DMD: variants seen among roughly 807,000 people sequenced by gnomAD.
The protein encoded by DMD is mutant dystrophin.
DMD carries 63 observed loss-of-function variants against 330.1 expected under a neutral mutation model. The observed-to-expected ratio is 0.19, with a 90% CI of 0.16 to 0.24. The LOEUF is 0.24. Ranked by LOEUF, DMD falls within the 10% of genes least tolerant of loss-of-function variation. DMD has a pLI of 1.00. For missense variants in DMD, 3,344 were observed against 2,684.1 expected, an observed-to-expected ratio of 1.25 and a Z score of -5.43; for synonymous variants, 1,223 against 959.8, an observed-to-expected ratio of 1.27 and a Z score of -5.07.
intron 42 of DMD, among the ~76,000 whole-genome samples, chrX:32,297,236 T>A (rs2097500730): frequency 5.6e-5 from 1 of 17,703 alleles, no homozygotes; most frequent in African/African-American, 1.8e-4. Context: ...ACAGTCATAT[T>A]TTATTTATTT....
intron 55 of DMD, among the ~76,000 whole-genome samples, chrX:31,551,512 A>T (rs193101962): frequency 5.4e-5 from 6 of 112,028 alleles, no homozygotes; most frequent in African/African-American, 1.9e-4. Context: ...AGGATCATGG[A>T]CTCAAAATGA....
rs753531481 is a variant in DMD, at chrX:32,956,570, G to T, written c.93+63569C>A. ...TGGTTTTGTATCCTGAGACTTTGCT[G>T]AAGTTGTTTATCAGCACAAGAAGCT... On this transcript the variant is annotated intron_variant, in intron 2 of 78. Coordinates refer to ENST00000357033, the MANE Select transcript of DMD (RefSeq NM_004006.3). Among the ~76,000 whole-genome samples, 19 of 111,848 alleles carry T rather than the reference G, an allele frequency of 1.7e-4. 1 individual carries two copies. In the South Asian group the frequency reaches 6.7e-3, roughly 40 times the overall value.
At chrX:32,322,516 T>C (rs1380652203) in intron 41 of DMD, among the ~76,000 whole-genome samples, 2 of 110,891 alleles carry the variant, frequency 1.8e-5, no homozygotes, top group Non-Finnish European at 3.8e-5. Context: ...TGAGCTATGA[T>C]TGCATCGCGG....
intron 26 of DMD, 67 bp downstream of exon 26, chrX:32,454,592 CATT>C (rs1255049112): frequency 4.2e-5 from 38 of 896,950 alleles, no homozygotes; most frequent in Non-Finnish European, 4.7e-5. Context: ...CAACTTCAAG[CATT>C]GTTGCATTTC....
At chrX:33,177,593 C>T (rs2049742272) in intron 1 of DMD, among the ~76,000 whole-genome samples, 1 of 110,730 alleles carries the variant, frequency 9.0e-6, no homozygotes, top group Admixed American at 9.6e-5. Flanking sequence ...ACCATGTTGG[C>T]CAGGTTGGTC....
chrX:32,772,735 T>C (rs1259099672), intron 7 of DMD, among the ~76,000 whole-genome samples: 2 of 111,567 alleles, frequency 1.8e-5, no homozygotes, highest in South Asian at 3.7e-4. Flanking sequence ...AGAGTTAATA[T>C]AGGATGTAAT....
intron 64 of DMD, among the ~76,000 whole-genome samples, chrX:31,214,038 G>A (rs917002902): frequency 1.5e-4 from 2 of 13,449 alleles, no homozygotes; most frequent in African/African-American, 4.0e-4. Context: ...CAAACTGATG[G>A]CAAGGCTGCT....
intron 76 of DMD, among the ~76,000 whole-genome samples, chrX:31,140,868 G>C (rs2035957684): frequency 8.9e-6 from 1 of 112,027 alleles, no homozygotes; most frequent in South Asian, 3.8e-4. Flanking sequence ...CTAGGGAGTT[G>C]TAGGCAGAAG....
intron 55 of DMD, among the ~76,000 whole-genome samples, chrX:31,558,058 C>T (rs1471143733): frequency 1.8e-5 from 2 of 111,616 alleles, no homozygotes; most frequent in Admixed American, 9.5e-5. Context: ...TGAATAATTT[C>T]GCTTATAACA....
intron 1 of DMD, among the ~76,000 whole-genome samples, chrX:33,065,453 G>T (rs934743960): frequency 8.9e-6 from 1 of 112,357 alleles, no homozygotes; most frequent in Non-Finnish European, 1.9e-5. Context: ...TCACTTTACA[G>T]AAATTTACAT....
rs1056814849 is a variant in DMD, at chrX:32,706,305, G to A, written c.650-7012C>T. Reference sequence around the variant, plus strand: ...GCGAAATGACGAGTTAATGGGTGCAGCACACCAACATGGCACATGTATACA... The same window carrying A: ...GCGAAATGACGAGTTAATGGGTGCAACACACCAACATGGCACATGTATACA... On this transcript the variant is annotated intron_variant, in intron 7 of 78. Coordinates refer to ENST00000357033, the MANE Select transcript of DMD (RefSeq NM_004006.3). Among the ~76,000 whole-genome samples the A allele has an allele frequency of 1.5e-3, 162 of 106,854 alleles. 1 individual carries two copies. Among genetic ancestry groups the A allele is most frequent in the African/African-American group, 5.4e-3 (157 of 29,344 alleles). 92.8% of individuals were successfully genotyped at this position (106,854 alleles called of 115,157 possible).
At chrX:32,980,102 A>T (rs2092663412) in intron 2 of DMD, among the ~76,000 whole-genome samples, 2 of 110,723 alleles carry the variant, frequency 1.8e-5, no homozygotes, top group African/African-American at 6.6e-5. Flanking sequence ...GAGGTGGTTC[A>T]CGCCTGTAAT....
intron 63 of DMD, among the ~76,000 whole-genome samples, chrX:31,260,254 A>C (rs898619381): frequency 8.1e-5 from 9 of 111,498 alleles, no homozygotes; most frequent in African/African-American, 2.9e-4. Flanking sequence ...AACAAAACCC[A>C]AAACAAGCTG....
chrX:32,942,196 A>C (rs1264826424), intron 2 of DMD, among the ~76,000 whole-genome samples: 1 of 112,025 alleles, frequency 8.9e-6, no homozygotes, highest in Non-Finnish European at 1.9e-5. Flanking sequence ...CAATAGACTT[A>C]GGAATTTCCT....
rs1008391721 is a variant in DMD at position 32,903,274 on chromosome X, A to G, written c.94-53454T>C. Among the ~76,000 whole-genome samples the G allele has an allele frequency of 1.9e-5, 2 of 107,302 alleles. 1 individual carries two copies. Among genetic ancestry groups the G allele is most frequent in the African/African-American group, 7.3e-5 (2 of 27,513 alleles). The allele number at this position is 107,302 out of a possible 115,157, so 93.2% of individuals were successfully genotyped here. A position where few individuals can be genotyped will look rare whatever the true frequency, so the allele number is the denominator to read the frequency against. ...AGACTGGTATGTGTAAGGGTATGGT[A>G]TAAAAATCATAACTCTTCAGAAGAA... On this transcript the variant is annotated intron_variant, in intron 2 of 78. Transcript: ENST00000357033.
chrX:33,018,793 T>G (rs147712180), intron 2 of DMD, among the ~76,000 whole-genome samples: 1,353 of 111,816 alleles, frequency 0.012, 23 homozygotes, highest in African/African-American at 0.041. Context: ...AACCATCTTA[T>G]AAATATTCGG....
intron 60 of DMD, among the ~76,000 whole-genome samples, chrX:31,400,703 T>C (rs1427171509): frequency 9.0e-6 from 1 of 111,437 alleles, no homozygotes; most frequent in Non-Finnish European, 1.9e-5. Context: ...TTATTTAGAG[T>C]GTATACCCTG....
chrX:32,545,028 A>G (rs1244791868), intron 17 of DMD, 131 bp downstream of exon 17: 1 of 593,107 alleles, frequency 1.7e-6, no homozygotes, highest in Non-Finnish European at 2.7e-6. Context: ...AATTTTTCTC[A>G]CTACATTAAC....
chrX:32,054,096 A>T lies in DMD; in HGVS notation c.6439-85582T>A, dbSNP rs964945420. Among the ~76,000 whole-genome samples the T allele has an allele frequency of 7.1e-3, 502 of 70,791 alleles. 1 individual carries two copies. Among genetic ancestry groups the T allele is most frequent in the African/African-American group, 0.032 (456 of 14,334 alleles). The allele number at this position is 70,791 out of a possible 115,157, so 61.5% of individuals were successfully genotyped here. On this transcript the variant is annotated intron_variant, in intron 44 of 78. Transcript: ENST00000357033. ...ATGTGTGTGTGTGTGTGTGAGAGAG[A>T]GAGAGAGAGAGAGAGAGAGAGAGAG...
Sources: gnomAD v4.1 joint callset for allele counts (sites outside exome capture counted in the v4.1 genomes callset) on GRCh38, gnomAD v4.1.1 for gene constraint, MANE v1.5 for transcripts, NCBI Gene and HGNC (gene_info 2026-07-23, HGNC 2026-07-21) for gene names.